The following TRIM37 variants were observed in gnomAD, a reference collection of about 807,000 sequenced individuals.
TRIM37 encodes tripartite motif containing 37.
TRIM37 carries 80 observed loss-of-function variants against 129.8 expected under a neutral mutation model. The observed-to-expected ratio is 0.62, with a 90% CI of 0.51 to 0.74. The LOEUF is 0.74. Among genes scored for constraint, TRIM37 ranks in the 30% least tolerant of loss-of-function variants. The pLI, the probability that TRIM37 is intolerant of heterozygous loss-of-function variation, is 0.00. For missense variants in TRIM37, 1,054 were observed against 1,176.5 expected (o/e 0.90, Z 1.52); for synonymous variants, 389 against 387.1 (o/e 1.00, Z -0.06).
the TRIM37 span, among the ~76,000 whole-genome samples, chr17:58,968,569 G>T: frequency 6.6e-6 from 1 of 152,138 alleles, no homozygotes; most frequent in East Asian, 1.9e-4. Context: ...TCAATGACAG[G>T]CCTGGACTCC....
At chr17:59,015,481 A>C in intron 21 of TRIM37, 129 bp downstream of exon 21, 1 of 970,126 alleles carries the variant, frequency 1.0e-6, no homozygotes, top group East Asian at 2.4e-5. Flanking sequence ...TTAGTGCAAT[A>C]AATGTATTTT....
At chr17:59,028,317 TG>T in intron 19 of TRIM37, 97 bp downstream of exon 19, 2 of 1,165,344 alleles carry the variant, frequency 1.7e-6, no homozygotes, top group East Asian at 2.5e-5. Context: ...CTTAACTCAC[TG>T]GAAGAGTGGT....
At chr17:59,072,211 C>G (rs966131881) in intron 8 of TRIM37, among the ~76,000 whole-genome samples, 5 of 152,134 alleles carry the variant, frequency 3.3e-5, no homozygotes. Context: ...AGAGAGACCT[C>G]AGAAGAAACG....
Position 59,064,347 on chromosome 17 carries a change from A to C in TRIM37, c.860+8T>G. 6.3e-7 allele frequency: 1 copy of C among 1,596,976 alleles called. No homozygotes were observed. The highest frequency in any genetic ancestry group is 8.5e-7 in the Non-Finnish European group (1 of 1,169,712). On this transcript the variant is annotated splice_region_variant and intron_variant, in intron 10 of 23. Transcript: ENST00000262294. ...TACAAAAAAACCAGAATTGTCAAAA[A>C]CTCTTACCTGAAATTCTCTAAAACA... is the stretch of plus-strand genomic sequence containing the variant.
chr17:58,972,728 C>T, the TRIM37 span: 1 of 1,022,924 alleles, frequency 9.8e-7, no homozygotes, highest in East Asian at 2.5e-5. Flanking sequence ...ACAAAGAGAA[C>T]CTTTTCATGA....
intron 22 of TRIM37, among the ~76,000 whole-genome samples, chr17:59,011,290 T>G (rs2035229974): frequency 6.6e-6 from 1 of 152,206 alleles, no homozygotes; most frequent in Non-Finnish European, 1.5e-5. Context: ...TACAAAAATC[T>G]TTTCTATTTA....
At position 59,019,506 on chromosome 17, in the gene TRIM37, G is replaced by A. The variant is rs553174452; in HGVS notation, c.2258-2082C>T. Among the ~76,000 whole-genome samples the A allele has an allele frequency of 2.6e-4, 39 of 152,180 alleles. No individual in the cohort carries two copies. The South Asian group carries it at 7.7e-3, about 30-fold the overall frequency. On this transcript the variant is annotated intron_variant, in intron 19 of 23. Transcript: ENST00000262294. ...GGGTGGCGCATGAGGTCAAGAGATT[G>A]AGACCAACCTGGCCAACATGGTGAA...
At chr17:59,009,756 A>G (rs916265945) in intron 22 of TRIM37, among the ~76,000 whole-genome samples, 1 of 151,966 alleles carries the variant, frequency 6.6e-6, no homozygotes, top group Admixed American at 6.6e-5. Flanking sequence ...CTGGCCTTCC[A>G]ATTTCTAACC....
At chr17:59,083,854 T>A (rs2043520889) in intron 5 of TRIM37, 148 bp downstream of exon 5, 1 of 698,744 alleles carries the variant, frequency 1.4e-6, no homozygotes, top group African/African-American at 1.8e-5. Flanking sequence ...GGAATAAAAG[T>A]ACAATACCTT....
chr17:58,989,233 C>T (rs887249526), intron 24 of TRIM37, among the ~76,000 whole-genome samples: 65 of 152,078 alleles, frequency 4.3e-4, no homozygotes, highest in African/African-American at 1.4e-3. Flanking sequence ...GTCATGAGTT[C>T]GAGACCAGCC....
the TRIM37 span, chr17:58,972,189 G>C: frequency 6.2e-7 from 1 of 1,614,104 alleles, no homozygotes; most frequent in Non-Finnish European, 8.5e-7. Context: ...CATGCTACAT[G>C]TGGCCTGGGT....
At chr17:59,072,749 A>G (rs1394662848) in intron 8 of TRIM37, among the ~76,000 whole-genome samples, 3 of 146,162 alleles carry the variant, frequency 2.1e-5, no homozygotes, top group Non-Finnish European at 3.0e-5. Context: ...CTCTGTCTCA[A>G]AAAAAAAAAA....
downstream of TRIM37, among the ~76,000 whole-genome samples, chr17:58,995,915 G>A (rs2032940348): frequency 6.6e-6 from 1 of 151,976 alleles, no homozygotes; most frequent in Non-Finnish European, 1.5e-5. Flanking sequence ...GCTGAAGTGG[G>A]AGGATCGCTT....
At chr17:59,050,566 C>CAGCT (rs1488525081) in intron 14 of TRIM37, among the ~76,000 whole-genome samples, 2 of 152,072 alleles carry the variant, frequency 1.3e-5, no homozygotes, top group Non-Finnish European at 2.9e-5. Flanking sequence ...CTCGTAGTCC[C>CAGCT]AGCTACCTGG....
At chr17:59,046,615 C>T (rs1253876736) in intron 16 of TRIM37, among the ~76,000 whole-genome samples, 2 of 150,498 alleles carry the variant, frequency 1.3e-5, no homozygotes, top group African/African-American at 2.5e-5. Flanking sequence ...TAGCTCACTG[C>T]AAGCTCCGCC....
intron 8 of TRIM37, among the ~76,000 whole-genome samples, chr17:59,071,286 T>C (rs1468112401): frequency 6.8e-6 from 1 of 147,774 alleles, no homozygotes; most frequent in Non-Finnish European, 1.5e-5. Flanking sequence ...TTGAAAGCTT[T>C]TTTTTTTTTT....
intron 18 of TRIM37, among the ~76,000 whole-genome samples, chr17:59,030,594 G>A (rs1043107077): frequency 7.2e-5 from 11 of 152,090 alleles, no homozygotes; most frequent in African/African-American, 2.7e-4. Context: ...TTTTTACACA[G>A]AAAACTAGTT....
intron 4 of TRIM37, among the ~76,000 whole-genome samples, chr17:59,087,475 T>C (rs1035766104): frequency 6.7e-6 from 1 of 149,410 alleles, no homozygotes; most frequent in Non-Finnish European, 1.5e-5. Flanking sequence ...TTTTTTTTTT[T>C]CTTTTTTTAA....
the TRIM37 span, among the ~76,000 whole-genome samples, chr17:58,967,587 T>A: frequency 3.3e-5 from 5 of 151,814 alleles, no homozygotes; most frequent in East Asian, 9.7e-4. Flanking sequence ...ATTAGTGATA[T>A]TTCCTTTGTT....
Sources: allele counts gnomAD v4.1 joint callset (sites outside exome capture counted in the v4.1 genomes callset), GRCh38; gene constraint gnomAD v4.1.1; transcripts MANE v1.5; gene names NCBI Gene and HGNC (gene_info 2026-07-23, HGNC 2026-07-21).